The following CEP63 variants were observed in gnomAD, a reference collection of about 807,000 sequenced individuals.
CEP63 encodes centrosomal protein 63.
In CEP63, 84 loss-of-function variants were observed where a neutral mutation model predicts 89.1. The observed-to-expected ratio is 0.94, with a 90% CI of 0.79 to 1.13. The LOEUF is 1.13. Ranked by LOEUF, CEP63 falls within the 50% of genes most tolerant of loss-of-function variation. The pLI is 0.00. For synonymous variants in CEP63, 267 were observed against 272.5 expected (o/e 0.98, Z 0.20); for missense variants, 838 against 813.3 (o/e 1.03, Z -0.37).
In CEP63 at chr3:134,551,916, C is replaced by T. The variant is rs1424665576; in HGVS notation, c.1381-10C>T. ...GTTATATTTATTTTTTTCTGTTTTC[C>T]CCTTTTCAGGAGATTTTGGATCAGC... On this transcript the variant is annotated splice_polypyrimidine_tract_variant and intron_variant, in intron 11 of 14. Coordinates refer to ENST00000675561, the MANE Select transcript of CEP63 (RefSeq NM_001353108.3). The T allele has an allele frequency of 5.1e-6, 8 of 1,582,190 alleles. No individual in the cohort carries two copies. Among genetic ancestry groups the T allele is most frequent in the African/African-American group, 2.7e-5 (2 of 73,788 alleles).
At chr3:134,692,181 A>G in the CEP63 span, among the ~76,000 whole-genome samples, 1 of 152,062 alleles carries the variant, frequency 6.6e-6, no homozygotes, top group East Asian at 1.9e-4. Context: ...ACATATGTAT[A>G]CATGTGCCAT....
intron 4 of CEP63, among the ~76,000 whole-genome samples, chr3:134,532,342 A>G (rs7428326): frequency 0.66 from 100,233 of 152,082 alleles, 33,432 homozygotes; most frequent in East Asian, 0.81. Context: ...CTGTCCATTA[A>G]CTCAATTTTA....
the CEP63 span, chr3:134,607,150 C>T: frequency 1.0e-5 from 10 of 985,300 alleles, no homozygotes; most frequent in Middle Eastern, 5.2e-4. Flanking sequence ...GATATTTCCA[C>T]GGCCTATGAT....
chr3:134,644,100 T>C, the CEP63 span, among the ~76,000 whole-genome samples: 39 of 152,268 alleles, frequency 2.6e-4, no homozygotes, highest in African/African-American at 8.4e-4. Context: ...GCTGGGATTA[T>C]AGGCGTGAGC....
chr3:134,714,074 G>T, the CEP63 span, among the ~76,000 whole-genome samples: 1 of 152,276 alleles, frequency 6.6e-6, no homozygotes, highest in South Asian at 2.1e-4. Context: ...AGCGGGGAGA[G>T]GGCTTTCAAC....
the CEP63 span, among the ~76,000 whole-genome samples, chr3:134,671,617 A>C: frequency 1.3e-5 from 2 of 152,226 alleles, no homozygotes; most frequent in Non-Finnish European, 2.9e-5. Context: ...GAAACATTTC[A>C]TAAGGAAAAT....
the CEP63 span, among the ~76,000 whole-genome samples, chr3:134,605,241 C>T: frequency 3.3e-5 from 5 of 152,154 alleles, no homozygotes; most frequent in Non-Finnish European, 7.4e-5. Flanking sequence ...CTGCCTGGTC[C>T]CTCCTGGCTT....
chr3:134,576,812 C>A (rs1242738033), downstream of CEP63, among the ~76,000 whole-genome samples: 1 of 152,034 alleles, frequency 6.6e-6, no homozygotes, highest in Non-Finnish European at 1.5e-5. Context: ...GAGGGGCACG[C>A]GTGGGGTGAC....
the CEP63 span, among the ~76,000 whole-genome samples, chr3:134,623,443 C>T: frequency 1.3e-5 from 2 of 152,270 alleles, no homozygotes; most frequent in South Asian, 2.1e-4. Context: ...TTCTCTATGT[C>T]TCAGGTCTTC....
At chr3:134,553,704 T>TA (rs1955441862) in intron 12 of CEP63, among the ~76,000 whole-genome samples, 1 of 152,342 alleles carries the variant, frequency 6.6e-6, no homozygotes, top group East Asian at 1.9e-4. Flanking sequence ...AGTGAATTGA[T>TA]ACGGCCTTTC....
chr3:134,771,708 C>A, the CEP63 span, among the ~76,000 whole-genome samples: 5,432 of 152,236 alleles, frequency 0.036, 140 homozygotes, highest in Middle Eastern at 0.085. Context: ...ATGGGTGCAG[C>A]AAACCACCAC....
chr3:134,547,778 T>A (rs1357045368), intron 9 of CEP63, among the ~76,000 whole-genome samples: 1 of 151,768 alleles, frequency 6.6e-6, no homozygotes, highest in Admixed American at 6.6e-5. Context: ...CCTGGCTAAT[T>A]TTTATATTTT....
At chr3:134,631,150 T>C in the CEP63 span, among the ~76,000 whole-genome samples, 6 of 152,266 alleles carry the variant, frequency 3.9e-5, no homozygotes, top group Non-Finnish European at 5.9e-5. Flanking sequence ...AGAGAAATAA[T>C]ATGATGCAGA....
intron 12 of CEP63, among the ~76,000 whole-genome samples, chr3:134,556,805 T>G (rs1164159070): frequency 2.0e-5 from 3 of 152,202 alleles, no homozygotes; most frequent in Non-Finnish European, 4.4e-5. Context: ...TTACCTTTCA[T>G]ATTCATTTAT....
the CEP63 span, among the ~76,000 whole-genome samples, chr3:134,723,456 A>G: frequency 1.3e-5 from 2 of 152,198 alleles, no homozygotes; most frequent in African/African-American, 2.4e-5. Flanking sequence ...CTGCAGCACA[A>G]TACTAGCCTA....
chr3:134,682,387 T>C, the CEP63 span, among the ~76,000 whole-genome samples: 36 of 152,094 alleles, frequency 2.4e-4, no homozygotes, highest in Middle Eastern at 3.4e-3. Context: ...TTACTAAGAG[T>C]TGCAAATCAT....
At chr3:134,600,301 G>C in the CEP63 span, among the ~76,000 whole-genome samples, 1 of 152,210 alleles carries the variant, frequency 6.6e-6, no homozygotes, top group Admixed American at 6.5e-5. Context: ...TCCTTTTCAA[G>C]TCCTTTGAGA....
the CEP63 span, among the ~76,000 whole-genome samples, chr3:134,673,993 T>G: frequency 8.5e-5 from 13 of 152,226 alleles, no homozygotes; most frequent in Non-Finnish European, 1.3e-4. Context: ...CAGGTCCATG[T>G]CTAAACTAAT....
At chr3:134,595,865 T>C in the CEP63 span, among the ~76,000 whole-genome samples, 1 of 152,176 alleles carries the variant, frequency 6.6e-6, no homozygotes, top group South Asian at 2.1e-4. Flanking sequence ...TGAGTTTGAG[T>C]GTTCCCTGGA....
Sources: allele counts gnomAD v4.1 joint callset (sites outside exome capture counted in the v4.1 genomes callset), GRCh38; gene constraint gnomAD v4.1.1; transcripts MANE v1.5; gene names NCBI Gene and HGNC (gene_info 2026-07-23, HGNC 2026-07-21).